The following DOCK10 variants were observed in gnomAD, a reference collection of about 807,000 sequenced individuals.
DOCK10 encodes dedicator of cytokinesis protein 10.
DOCK10 carries 145 observed loss-of-function variants against 280.1 expected under a neutral mutation model. The observed-to-expected ratio is 0.52, with a 90% CI of 0.45 to 0.59. DOCK10 has a LOEUF of 0.59. Among genes scored for constraint, DOCK10 ranks in the 20% least tolerant of loss-of-function variants. The pLI is 0.00. For synonymous variants in DOCK10, 915 were observed against 942.2 expected (o/e 0.97, Z 0.53); for missense variants, 2,368 against 2,651.7 (o/e 0.89, Z 2.35).
At chr2:225,035,563 TATATATATATATATATATATATATAA>T (rs1269771466) in intron 1 of DOCK10, among the ~76,000 whole-genome samples, 2 of 55,910 alleles carry the variant, frequency 3.6e-5, no homozygotes, top group African/African-American at 9.6e-5. Flanking sequence ...TATATATATA[TATATATATATATATATATATATATAA>T]CACTGAATCA....
intron 1 of DOCK10, among the ~76,000 whole-genome samples, chr2:224,988,652 T>C (rs550943416): frequency 6.6e-6 from 1 of 152,308 alleles, no homozygotes; most frequent in South Asian, 2.1e-4. Context: ...CTTTGAGAGC[T>C]GGTCTGTCCC....
At position 224,793,546 on chromosome 2, in the gene DOCK10, C is replaced by T. The variant is rs918036859; in HGVS notation, c.5155-89G>A. On this transcript the variant is annotated intron_variant, in intron 45 of 55. Coordinates refer to ENST00000258390, the MANE Select transcript of DOCK10 (RefSeq NM_014689.3). ...TCCAAGGCGAGTCAGTATTCCATAT[C>T]AGAATATGTTAGAAGGATCCTTTGT... 3.9e-6 allele frequency: 4 copies of T among 1,026,792 alleles called. No homozygotes were observed. In the African/African-American group the frequency reaches 4.8e-5, roughly 12 times the overall value. The allele number at this position is 1,026,792 out of a possible 1,614,324, so 63.6% of individuals were successfully genotyped here. A position where few individuals can be genotyped will look rare whatever the true frequency, so the allele number is the denominator to read the frequency against.
chr2:224,829,383 C>G (rs747775174), intron 27 of DOCK10, among the ~76,000 whole-genome samples: 4 of 152,182 alleles, frequency 2.6e-5, no homozygotes, highest in Non-Finnish European at 5.9e-5. Flanking sequence ...GTGGAGGTAT[C>G]CTAGTGGGGG....
In DOCK10 at chr2:225,042,443, C is replaced by A; in HGVS notation, c.-69G>T. 1 of 1,223,972 alleles carries A rather than the reference C, an allele frequency of 8.2e-7. No homozygotes were observed. The highest frequency in any genetic ancestry group is 1.0e-6 in the Non-Finnish European group (1 of 980,726). 75.8% of individuals were successfully genotyped at this position (1,223,972 alleles called of 1,614,324 possible). A position where few individuals can be genotyped will look rare whatever the true frequency, so the allele number is the denominator to read the frequency against. ...CGCCGGTCTTCCCCGCGCCAACCTTCTCTATCCACCCGCCGTTCAGGAAGC... is the reference window on the plus strand; with the variant it reads ...CGCCGGTCTTCCCCGCGCCAACCTTATCTATCCACCCGCCGTTCAGGAAGC... On this transcript the variant is annotated 5_prime_UTR_variant, in exon 1 of 56. Transcript: ENST00000258390. This position sits in a 1 kb window ranked among gnomAD's most constrained non-coding sequence, Gnocchi z 5.1.
intron 4 of DOCK10, among the ~76,000 whole-genome samples, chr2:224,891,267 G>A (rs1244925892): frequency 6.6e-6 from 1 of 152,200 alleles, no homozygotes; most frequent in East Asian, 1.9e-4. Flanking sequence ...AAATTTGAAA[G>A]TGTTGAAATT....
intron 3 of DOCK10, among the ~76,000 whole-genome samples, chr2:224,903,038 C>T (rs1296407333): frequency 6.6e-6 from 1 of 152,178 alleles, no homozygotes; most frequent in African/African-American, 2.4e-5. Flanking sequence ...GCGGAGCTTG[C>T]AGTGAGCCGA....
intron 1 of DOCK10, among the ~76,000 whole-genome samples, chr2:224,936,250 A>G (rs148618743): frequency 2.0e-5 from 3 of 152,292 alleles, no homozygotes; most frequent in East Asian, 3.9e-4. Flanking sequence ...AAGTTAGTGA[A>G]CTCACAATAT....
chr2:225,036,174 G>A (rs1485146100), intron 1 of DOCK10, among the ~76,000 whole-genome samples: 2 of 152,292 alleles, frequency 1.3e-5, no homozygotes, highest in East Asian at 3.9e-4. Context: ...AACTTGTGCT[G>A]ATTTAGATAG....
At chr2:225,011,040 C>A (rs1689421022) in intron 1 of DOCK10, among the ~76,000 whole-genome samples, 1 of 152,146 alleles carries the variant, frequency 6.6e-6, no homozygotes, top group African/African-American at 2.4e-5. Flanking sequence ...TTCTGACTCA[C>A]AACAAGTCAT....
At chr2:224,873,686 T>G (rs1698442723) in intron 11 of DOCK10, among the ~76,000 whole-genome samples, 1 of 151,874 alleles carries the variant, frequency 6.6e-6, no homozygotes, top group Non-Finnish European at 1.5e-5. Context: ...CTGTGCTGAT[T>G]TCATAGAATC....
chr2:225,034,300 T>C (rs1223558989), intron 1 of DOCK10, among the ~76,000 whole-genome samples: 1 of 152,200 alleles, frequency 6.6e-6, no homozygotes, highest in Admixed American at 6.5e-5. Context: ...TCATTTGATC[T>C]GAAGAAAGTT....
chr2:224,777,781 C>G (rs1292710775), intron 51 of DOCK10, among the ~76,000 whole-genome samples: 1 of 152,200 alleles, frequency 6.6e-6, no homozygotes, highest in African/African-American at 2.4e-5. Flanking sequence ...AGAACCCTGA[C>G]TAATACGCCT....
intron 3 of DOCK10, 27 bp downstream of exon 3, chr2:224,916,668 A>T: frequency 8.4e-6 from 13 of 1,542,734 alleles, no homozygotes; most frequent in Non-Finnish European, 1.2e-5. Context: ...AAGCCTTAAA[A>T]TAAAGCATTG....
At chr2:224,798,605 T>G (rs986106766) in intron 41 of DOCK10, among the ~76,000 whole-genome samples, 2 of 151,600 alleles carry the variant, frequency 1.3e-5, no homozygotes, top group Non-Finnish European at 2.9e-5. Context: ...TAGACTTTAT[T>G]CAAAGAATCC....
At chr2:224,984,418 C>A (rs1325902921) in intron 1 of DOCK10, among the ~76,000 whole-genome samples, 1 of 152,240 alleles carries the variant, frequency 6.6e-6, no homozygotes, top group East Asian at 1.9e-4. Flanking sequence ...AAATGAGATG[C>A]TTTCTAGCTA....
intron 1 of DOCK10, among the ~76,000 whole-genome samples, chr2:224,990,942 CTTAGTGAAGAGGTCT>C (rs1443076353): frequency 6.6e-6 from 1 of 152,202 alleles, no homozygotes; most frequent in Admixed American, 6.5e-5. Flanking sequence ...ATGGGAGTGG[CTTAGTGAAGAGGTCT>C]TTATATCCTC....
intron 55 of DOCK10, among the ~76,000 whole-genome samples, chr2:224,767,520 GTTTTTT>G (rs1160551174): frequency 6.6e-6 from 1 of 152,120 alleles, no homozygotes; most frequent in Non-Finnish European, 1.5e-5. Context: ...CAACTTCTAT[GTTTTTT>G]TAAAGACTAT....
At chr2:225,020,448 C>A (rs1689755734) in intron 1 of DOCK10, among the ~76,000 whole-genome samples, 1 of 152,130 alleles carries the variant, frequency 6.6e-6, no homozygotes, top group African/African-American at 2.4e-5. Flanking sequence ...CTTAACCTAG[C>A]AACATATATT....
At chr2:224,915,046 G>A (rs899460717) in intron 3 of DOCK10, among the ~76,000 whole-genome samples, 1 of 152,106 alleles carries the variant, frequency 6.6e-6, no homozygotes, top group African/African-American at 2.4e-5. Flanking sequence ...AAGGACCTTA[G>A]AATAAATTTT....
Sources: gnomAD v4.1 joint callset for allele counts (sites outside exome capture counted in the v4.1 genomes callset) on GRCh38, gnomAD v4.1.1 for gene constraint, Gnocchi (gnomAD v3.1) non-coding constraint, MANE v1.5 for transcripts, NCBI Gene and HGNC (gene_info 2026-07-23, HGNC 2026-07-21) for gene names.